Variants in XPO4 observed in about 807,000 individuals in gnomAD.
XPO4 encodes exportin-4.
A neutral mutation model predicts 143.0 loss-of-function variants in XPO4; 39 were observed. The observed-to-expected ratio is 0.27, with a 90% CI of 0.21 to 0.36. The LOEUF (loss-of-function observed/expected upper bound fraction) is 0.36, where lower values mean the gene tolerates loss of function less well. Among genes scored for constraint, XPO4 ranks in the 10% least tolerant of loss-of-function variants. XPO4 has a pLI of 1.00. For synonymous variants in XPO4, 439 were observed against 474.0 expected (o/e 0.93, Z 0.96); for missense variants, 907 against 1,348.0 (o/e 0.67, Z 5.12).
intron 9 of XPO4, among the ~76,000 whole-genome samples, chr13:20,819,395 C>T (rs921064489): frequency 6.6e-6 from 1 of 152,150 alleles, no homozygotes; most frequent in Admixed American, 6.5e-5. Flanking sequence ...GGCGCGGTGG[C>T]TCACACCTGT....
At chr13:20,845,127 G>A (rs1247240459) in intron 4 of XPO4, among the ~76,000 whole-genome samples, 5 of 152,212 alleles carry the variant, frequency 3.3e-5, no homozygotes, top group Non-Finnish European at 1.5e-5. Flanking sequence ...AGCCGAGATC[G>A]CGCCACTACA....
At chr13:20,873,126 G>T (rs566891683) in intron 1 of XPO4, among the ~76,000 whole-genome samples, 2 of 150,510 alleles carry the variant, frequency 1.3e-5, no homozygotes, top group East Asian at 1.9e-4. Flanking sequence ...ACAAGGATGG[G>T]AAAAAACTGA....
chr13:20,849,688 C>G (rs2060064367), intron 4 of XPO4: 1 of 984,170 alleles, frequency 1.0e-6, no homozygotes, highest in African/African-American at 1.7e-5. Context: ...AAGAATACAT[C>G]ATTTTTTACA....
intron 1 of XPO4, among the ~76,000 whole-genome samples, chr13:20,891,403 T>C (rs71427903): frequency 0.036 from 5,417 of 152,300 alleles, 210 homozygotes; most frequent in African/African-American, 0.092. Context: ...TTTGATGCCA[T>C]GTTATTTGAT....
chr13:20,805,121 G>C (rs1173233200), intron 13 of XPO4, among the ~76,000 whole-genome samples: 1 of 151,854 alleles, frequency 6.6e-6, no homozygotes, highest in Non-Finnish European at 1.5e-5. Flanking sequence ...CTAATTTTTT[G>C]TATTTAGTAG....
chr13:20,817,037 T>C lies in XPO4; in HGVS notation c.1173+4667A>G, dbSNP rs902940812. ...CTTGCTCTCTCCAGTATCATCAGTT[T>C]ATTCTTTTATAGCTACAAGAACCGT... On this transcript the variant is annotated intron_variant, in intron 9 of 22. Coordinates refer to ENST00000255305, the MANE Select transcript of XPO4 (RefSeq NM_022459.5). Among the ~76,000 whole-genome samples the C allele has an allele frequency of 3.3e-4, 51 of 152,332 alleles. No homozygotes were observed. The East Asian group carries it at 6.6e-3, about 20-fold the overall frequency.
intron 9 of XPO4, among the ~76,000 whole-genome samples, chr13:20,812,712 A>C (rs2818989): frequency 0.3 from 45,148 of 152,038 alleles, 8,449 homozygotes; most frequent in East Asian, 0.8. Flanking sequence ...AATATGCCAA[A>C]GTTAATTTCT....
At chr13:20,828,384 A>G (rs2059812167) in intron 6 of XPO4, among the ~76,000 whole-genome samples, 1 of 152,254 alleles carries the variant, frequency 6.6e-6, no homozygotes, top group African/African-American at 2.4e-5. Flanking sequence ...GTCTGAAAAA[A>G]GTAGATAGAA....
chr13:20,891,175 TGTG>T (rs2060512868), intron 1 of XPO4, among the ~76,000 whole-genome samples: 1 of 149,558 alleles, frequency 6.7e-6, no homozygotes. Context: ...ACTCTAGACT[TGTG>T]GTGTCTAACA....
At chr13:20,899,192 G>A (rs1053303675) in intron 1 of XPO4, among the ~76,000 whole-genome samples, 12 of 152,044 alleles carry the variant, frequency 7.9e-5, no homozygotes, top group African/African-American at 2.7e-4. Flanking sequence ...CATGGACACC[G>A]AGGGACAACT....
intron 19 of XPO4, among the ~76,000 whole-genome samples, chr13:20,789,687 C>G (rs1297942526): frequency 2.6e-5 from 4 of 151,922 alleles, no homozygotes; most frequent in African/African-American, 9.7e-5. Context: ...GGATTACAAG[C>G]GTGAGCCACT....
intron 1 of XPO4, among the ~76,000 whole-genome samples, chr13:20,895,931 G>A (rs1257852901): frequency 2.6e-5 from 4 of 152,078 alleles, no homozygotes; most frequent in African/African-American, 9.7e-5. Flanking sequence ...CTTCACTACA[G>A]CAAAGTACAC....
rs762134310 is a variant in XPO4, at chr13:20,855,785, T to C, written c.318-20A>G. ...TGAAGGCTGTAAAACATAAAAATCATTGTGAAAAATTTACCTAAATCTAAT... is the reference window on the plus strand; with the variant it reads ...TGAAGGCTGTAAAACATAAAAATCACTGTGAAAAATTTACCTAAATCTAAT... On this transcript the variant is annotated intron_variant, in intron 3 of 22. Coordinates refer to ENST00000255305, the MANE Select transcript of XPO4 (RefSeq NM_022459.5). The C allele has an allele frequency of 3.9e-6, 6 of 1,556,456 alleles. No individual in the cohort carries two copies. Among genetic ancestry groups the C allele is most frequent in the Non-Finnish European group, 4.3e-6 (5 of 1,157,772 alleles).
intron 7 of XPO4, 83 bp downstream of exon 7, chr13:20,826,983 CT>C: frequency 1.1e-6 from 1 of 884,684 alleles, no homozygotes; most frequent in Non-Finnish European, 1.9e-6. Context: ...GAAAAGCAAT[CT>C]GTTCTGTTTT....
rs1215323485 is a variant in XPO4 at position 20,803,097 on chromosome 13, T to C, written c.1818-2107A>G. Among the ~76,000 whole-genome samples, 3 of 152,196 alleles carry C rather than the reference T, an allele frequency of 2.0e-5. No individual in the cohort carries two copies. The highest frequency in any genetic ancestry group is 4.4e-5 in the Non-Finnish European group (3 of 68,032). On this transcript the variant is annotated intron_variant, in intron 13 of 22. Transcript: ENST00000255305. The surrounding 1 kb of genome is among the most constrained non-coding windows in gnomAD (Gnocchi z 4.1). The stretch of plus-strand genomic sequence containing the variant: ...AAGTACTGAGAAAACTTCATATAAG[T>C]AGAACCTATTTTTAAAATCGCAGAG...
At chr13:20,880,106 T>C (rs1207400456) in intron 1 of XPO4, among the ~76,000 whole-genome samples, 2 of 152,018 alleles carry the variant, frequency 1.3e-5, no homozygotes, top group African/African-American at 4.8e-5. Context: ...ACACTGCTGG[T>C]GGAAATGTAG....
chr13:20,858,630 G>C (rs2060167106), intron 3 of XPO4, among the ~76,000 whole-genome samples: 1 of 152,114 alleles, frequency 6.6e-6, no homozygotes. Context: ...TTAGCACTTA[G>C]GGAGGTCAAG....
intron 1 of XPO4, among the ~76,000 whole-genome samples, chr13:20,875,555 A>G (rs1268784698): frequency 6.6e-6 from 1 of 152,122 alleles, no homozygotes; most frequent in Non-Finnish European, 1.5e-5. Context: ...TCCCTCCTCC[A>G]TAACTGCCTC....
chr13:20,813,094 A>G (rs2059604211), intron 9 of XPO4, among the ~76,000 whole-genome samples: 2 of 152,174 alleles, frequency 1.3e-5, no homozygotes, highest in African/African-American at 4.8e-5. Flanking sequence ...ATGTCTTAGC[A>G]TGGCAGAGCA....
Sources: allele counts gnomAD v4.1 joint callset (sites outside exome capture counted in the v4.1 genomes callset), GRCh38; gene constraint gnomAD v4.1.1; non-coding constraint Gnocchi (gnomAD v3.1); transcripts MANE v1.5; gene names NCBI Gene and HGNC (gene_info 2026-07-23, HGNC 2026-07-21).